The following RPH3A variants were observed in gnomAD, a reference collection of about 807,000 sequenced individuals.
RPH3A encodes the protein rabphilin 3A, also known as rabphilin-3A.
Under a neutral mutation model 102.2 loss-of-function variants are expected in RPH3A, and 48 were observed. The ratio of observed to expected loss-of-function variants is 0.47; its 90% CI spans 0.37 to 0.60. The LOEUF (loss-of-function observed/expected upper bound fraction) is 0.60, where lower values mean the gene tolerates loss of function less well. Among genes scored for constraint, RPH3A ranks in the 20% least tolerant of loss-of-function variants. The pLI, the probability that RPH3A is intolerant of heterozygous loss-of-function variation, is 0.00. For synonymous variants in RPH3A, 310 were observed against 324.3 expected (o/e 0.96, Z 0.47); for missense variants, 781 against 910.1 (o/e 0.86, Z 1.83).
chr12:112,826,803 T>C (rs181224135), intron 2 of RPH3A, among the ~76,000 whole-genome samples: 66 of 152,370 alleles, frequency 4.3e-4, no homozygotes, highest in Non-Finnish European at 4.4e-5. Context: ...CATTCCACTG[T>C]ACAAATAAAC....
intron 1 of RPH3A, among the ~76,000 whole-genome samples, chr12:112,634,039 T>A (rs2039826983): frequency 6.6e-6 from 1 of 152,154 alleles, no homozygotes; most frequent in Non-Finnish European, 1.5e-5. Context: ...TGCTCATGTT[T>A]AATGCCAATT....
intron 2 of RPH3A, among the ~76,000 whole-genome samples, chr12:112,801,900 C>T: frequency 6.6e-6 from 1 of 152,136 alleles, no homozygotes; most frequent in African/African-American, 2.4e-5. Flanking sequence ...CATAGGTTCT[C>T]ACTTCTTTTC....
intron 1 of RPH3A, among the ~76,000 whole-genome samples, chr12:112,771,942 C>A (rs943520438): frequency 1.3e-5 from 2 of 152,272 alleles, no homozygotes; most frequent in East Asian, 3.9e-4. Flanking sequence ...TTCAGTCATA[C>A]ATTTGTTTAA....
intron 2 of RPH3A, among the ~76,000 whole-genome samples, chr12:112,807,029 T>C (rs1009118561): frequency 5.3e-5 from 8 of 151,998 alleles, no homozygotes; most frequent in Non-Finnish European, 1.5e-5. Context: ...GAGGTAGCAG[T>C]GCAGGATCTG....
intron 2 of RPH3A, among the ~76,000 whole-genome samples, chr12:112,818,051 G>C (rs757478253): frequency 6.6e-6 from 1 of 152,110 alleles, no homozygotes; most frequent in Non-Finnish European, 1.5e-5. Flanking sequence ...GGTGGCTCAC[G>C]CCTGTAATCC....
intron 10 of RPH3A, 61 bp downstream of exon 10, chr12:112,870,100 G>T (rs139159866): frequency 6.7e-7 from 1 of 1,502,636 alleles, no homozygotes; most frequent in African/African-American, 1.4e-5. Context: ...AAAAGAATGA[G>T]GGGAACTGTG....
intron 1 of RPH3A, among the ~76,000 whole-genome samples, chr12:112,617,274 G>A (rs1171006486): frequency 2.0e-5 from 3 of 152,188 alleles, no homozygotes; most frequent in African/African-American, 7.2e-5. Flanking sequence ...ATGTAATTAA[G>A]ACTTGCAAAT....
intron 10 of RPH3A, among the ~76,000 whole-genome samples, chr12:112,871,238 C>T (rs1449954012): frequency 1.3e-5 from 2 of 152,202 alleles, no homozygotes; most frequent in Admixed American, 6.5e-5. Flanking sequence ...TTCATGTGTA[C>T]AATTCAGTGG....
intron 1 of RPH3A, among the ~76,000 whole-genome samples, chr12:112,581,057 T>A (rs2039397516): frequency 1.3e-5 from 2 of 152,230 alleles, no homozygotes; most frequent in Non-Finnish European, 2.9e-5. Flanking sequence ...CAAAAATTGT[T>A]CCTTGGTTAC....
Position 112,875,662 on chromosome 12 carries a change from C to T in RPH3A, c.884-17C>T, listed in dbSNP as rs760590047. 9 of 1,610,202 alleles carry T rather than the reference C, an allele frequency of 5.6e-6. No individual in the cohort carries two copies. In the African/African-American group the frequency reaches 1.2e-4, roughly 22 times the overall value. On this transcript the variant is annotated splice_polypyrimidine_tract_variant and intron_variant, in intron 11 of 21. Coordinates refer to ENST00000389385, the MANE Select transcript of RPH3A (RefSeq NM_001143854.2). ...CCCTCTCTGCTGCATCTCTGTTTGT[C>T]TCCTCTCCCTGCTCAGGGACCCCAG...
At chr12:112,765,246 TTGTGTGTGTGTGTG>T (rs34294777) in intron 1 of RPH3A, among the ~76,000 whole-genome samples, 6 of 141,656 alleles carry the variant, frequency 4.2e-5, no homozygotes, top group Non-Finnish European at 6.1e-5. Context: ...GTCATGGTGA[TTGTGTGTGTGTGTG>T]TGTGTGTGTG....
rs77175240 is a variant in RPH3A at position 112,607,685 on chromosome 12, C to T, written c.-140+32366C>T. Among the ~76,000 whole-genome samples, 963 of 152,304 alleles carry T rather than the reference C, an allele frequency of 6.3e-3. 17 individuals are homozygous for T. The highest frequency in any genetic ancestry group is 0.023 in the African/African-American group (940 of 41,568). On this transcript the variant is annotated intron_variant, in intron 1 of 21. Transcript: ENST00000543106. ...GGGAATACTTGTTCTGTCCTCACTA[C>T]AGAGTTGATAAATAAACGATTTCTT...
At chr12:112,628,305 T>C (rs1294269462) in intron 1 of RPH3A, among the ~76,000 whole-genome samples, 1 of 151,662 alleles carries the variant, frequency 6.6e-6, no homozygotes, top group Non-Finnish European at 1.5e-5. Flanking sequence ...GCCTGGAATG[T>C]TTAGGTAAAA....
chr12:112,856,679 C>T lies in RPH3A; in HGVS notation c.231-8735C>T, dbSNP rs150347180. Among the ~76,000 whole-genome samples the T allele has an allele frequency of 2.2e-3, 328 of 152,188 alleles. 4 individuals carry two copies. Among genetic ancestry groups the T allele is most frequent in the Non-Finnish European group, 3.4e-3 (229 of 68,018 alleles). ...TTAAAAGCTTTAGAAAGACAGACTTCGCAGGCAGATGATAGCATCCTGGTT... is the reference window on the plus strand; with the variant it reads ...TTAAAAGCTTTAGAAAGACAGACTTTGCAGGCAGATGATAGCATCCTGGTT... On this transcript the variant is annotated intron_variant, in intron 5 of 21. Transcript: ENST00000389385.
At chr12:112,892,528 A>G (rs1203634157) in intron 19 of RPH3A, among the ~76,000 whole-genome samples, 3 of 152,214 alleles carry the variant, frequency 2.0e-5, no homozygotes, top group Non-Finnish European at 4.4e-5. Flanking sequence ...GGAGTCCTGC[A>G]TTTCCCAGAA....
chr12:112,868,610 G>T lies in RPH3A; in HGVS notation c.610+15G>T, dbSNP rs561217286. On this transcript the variant is annotated intron_variant, in intron 8 of 21. Transcript: ENST00000389385. ...TCCAGCTCGAGGTAGGACAAAACAG[G>T]TGCTTCTTTCAGGACCAAGGACAGA... is the stretch of plus-strand genomic sequence containing the variant. 1 of 1,611,666 alleles carries T rather than the reference G, an allele frequency of 6.2e-7. No homozygotes were observed. Among genetic ancestry groups the T allele is most frequent in the Non-Finnish European group, 8.5e-7 (1 of 1,178,784 alleles).
intron 10 of RPH3A, 160 bp from the exon 11 acceptor site, chr12:112,874,924 A>C (rs981995156): frequency 1.7e-6 from 1 of 593,144 alleles, no homozygotes; most frequent in Non-Finnish European, 3.0e-6. Flanking sequence ...GAAAGAACAC[A>C]CTGAAGGCAG....
chr12:112,614,183 T>C (rs1290813658), intron 1 of RPH3A, among the ~76,000 whole-genome samples: 1 of 152,148 alleles, frequency 6.6e-6, no homozygotes, highest in Non-Finnish European at 1.5e-5. Context: ...CTTCCAGAAC[T>C]GTAAGAGAAT....
chr12:112,894,126 G>A, intron 19 of RPH3A: 1 of 184,920 alleles, frequency 5.4e-6, no homozygotes, highest in Non-Finnish European at 1.1e-5. Context: ...CCCTTTCTGT[G>A]CATACACCCA....
Sources: gnomAD v4.1 joint callset for allele counts (sites outside exome capture counted in the v4.1 genomes callset) on GRCh38, gnomAD v4.1.1 for gene constraint, MANE v1.5 for transcripts, NCBI Gene and HGNC (gene_info 2026-07-23, HGNC 2026-07-21) for gene names.